BCAT1: variants seen among roughly 807,000 people sequenced by gnomAD.
The protein encoded by BCAT1 is branched-chain-amino-acid aminotransferase, cytosolic.
A neutral mutation model predicts 52.4 loss-of-function variants in BCAT1; 48 were observed. That is an observed-to-expected ratio of 0.92 (90% CI 0.73 to 1.16). The LOEUF is 1.16. Ranked by LOEUF, BCAT1 falls within the 50% of genes most tolerant of loss-of-function variation. BCAT1 has a pLI of 0.00. For missense variants in BCAT1, 451 were observed against 457.1 expected (o/e 0.99, Z 0.12); for synonymous variants, 167 against 161.3 (o/e 1.04, Z -0.27).
At chr12:24,847,739 G>A (rs188457083) in intron 6 of BCAT1, among the ~76,000 whole-genome samples, 52 of 152,298 alleles carry the variant, frequency 3.4e-4, no homozygotes, top group Admixed American at 3.0e-3. Flanking sequence ...AAGCTTGGCT[G>A]CATGCTAAAG....
At chr12:24,934,620 C>T (rs901451147) in intron 1 of BCAT1, among the ~76,000 whole-genome samples, 1 of 152,190 alleles carries the variant, frequency 6.6e-6, no homozygotes, top group Admixed American at 6.5e-5. Flanking sequence ...GTGGTGCGAT[C>T]TTGGCTCACT....
intron 3 of BCAT1, among the ~76,000 whole-genome samples, chr12:24,886,381 G>A (rs1942662704): frequency 6.6e-6 from 1 of 152,220 alleles, no homozygotes; most frequent in South Asian, 2.1e-4. Flanking sequence ...CCCAGTCTGG[G>A]TGACACAGCA....
At position 24,815,400 on chromosome 12, in the gene BCAT1, T is replaced by C. The variant is rs1188556894; in HGVS notation, c.*2608A>G. ...CAGCAACAATATTAATTTGTTGATC[T>C]TTTTGAGCAGATTAGCTTCACATGT... On this transcript the variant is annotated 3_prime_UTR_variant, in exon 11 of 11. Coordinates refer to ENST00000261192, the MANE Select transcript of BCAT1 (RefSeq NM_005504.7). The C allele has an allele frequency of 6.6e-6, 1 of 152,662 alleles. No homozygotes were observed. The highest frequency in any genetic ancestry group is 1.5e-5 in the Non-Finnish European group (1 of 68,030). 9.5% of individuals were successfully genotyped at this position (152,662 alleles called of 1,614,324 possible). A position where few individuals can be genotyped will look rare whatever the true frequency, so the allele number is the denominator to read the frequency against.
At chr12:24,877,064 C>T (rs6487435) in intron 5 of BCAT1, among the ~76,000 whole-genome samples, 9,083 of 152,188 alleles carry the variant, frequency 0.06, 353 homozygotes, top group Non-Finnish European at 0.079. Flanking sequence ...CTGCAATTCA[C>T]GAAATTCATT....
intron 1 of BCAT1, among the ~76,000 whole-genome samples, chr12:24,910,716 C>T (rs1018129493): frequency 2.6e-5 from 4 of 152,152 alleles, no homozygotes. Context: ...TTAAAGTCTT[C>T]TTGATGATCA....
At chr12:24,871,144 A>G (rs956764687) in intron 5 of BCAT1, among the ~76,000 whole-genome samples, 21 of 152,134 alleles carry the variant, frequency 1.4e-4, no homozygotes, top group African/African-American at 2.4e-4. Flanking sequence ...TCAAATGCCA[A>G]TTTCGCCAAG....
intron 5 of BCAT1, among the ~76,000 whole-genome samples, chr12:24,855,973 G>T (rs1050431737): frequency 6.6e-6 from 1 of 151,994 alleles, no homozygotes; most frequent in Non-Finnish European, 1.5e-5. Context: ...TAAACAATGT[G>T]CAAATCAGAA....
intron 1 of BCAT1, among the ~76,000 whole-genome samples, chr12:24,931,592 C>T (rs891099915): frequency 6.6e-6 from 1 of 152,142 alleles, no homozygotes; most frequent in African/African-American, 2.4e-5. Flanking sequence ...CTTTGGACTT[C>T]CTATCAGTAA....
chr12:24,935,225 C>A (rs1943734471), intron 1 of BCAT1, among the ~76,000 whole-genome samples: 1 of 152,124 alleles, frequency 6.6e-6, no homozygotes, highest in Non-Finnish European at 1.5e-5. Context: ...CTCATTGGAT[C>A]TTTAGTCCAG....
At chr12:24,937,329 A>C (rs368268403) in intron 1 of BCAT1, among the ~76,000 whole-genome samples, 21 of 152,266 alleles carry the variant, frequency 1.4e-4, no homozygotes, top group African/African-American at 4.6e-4. Flanking sequence ...CCTGAAGAAA[A>C]AGAGTTTGGG....
At chr12:24,855,451 G>A (rs182740168) in intron 5 of BCAT1, among the ~76,000 whole-genome samples, 28 of 152,220 alleles carry the variant, frequency 1.8e-4, no homozygotes, top group African/African-American at 6.3e-4. Context: ...CGCAATCTTG[G>A]CTCACTGCAA....
At chr12:24,874,200 G>T (rs554143029) in intron 5 of BCAT1, among the ~76,000 whole-genome samples, 2 of 152,132 alleles carry the variant, frequency 1.3e-5, no homozygotes, top group African/African-American at 4.8e-5. Context: ...TGTAGTCCCC[G>T]CTAATCAGGA....
intron 10 of BCAT1, among the ~76,000 whole-genome samples, chr12:24,827,283 T>A (rs1347535629): frequency 6.7e-6 from 1 of 149,456 alleles, no homozygotes; most frequent in Non-Finnish European, 1.5e-5. Flanking sequence ...TCAGGCAACC[T>A]TAAAAAAATT....
chr12:24,881,531 T>C (rs1591835241), intron 3 of BCAT1, 120 bp from the exon 4 acceptor site: 1 of 625,046 alleles, frequency 1.6e-6, no homozygotes, highest in East Asian at 2.8e-5. Flanking sequence ...GACATTGACC[T>C]CAACTTGAGA....
At chr12:24,818,623 A>G (rs1337601188) in intron 10 of BCAT1, among the ~76,000 whole-genome samples, 1 of 152,190 alleles carries the variant, frequency 6.6e-6, no homozygotes, top group African/African-American at 2.4e-5. Flanking sequence ...AAACAAAAAT[A>G]TGAAGTTGAC....
chr12:24,868,428 T>C (rs901103690), intron 5 of BCAT1, among the ~76,000 whole-genome samples: 3 of 152,168 alleles, frequency 2.0e-5, no homozygotes, highest in African/African-American at 4.8e-5. Context: ...AAATTGTTCA[T>C]AGTATCACCA....
chr12:24,906,913 C>T (rs1943235023), intron 1 of BCAT1, among the ~76,000 whole-genome samples: 1 of 152,222 alleles, frequency 6.6e-6, no homozygotes, highest in South Asian at 2.1e-4. Flanking sequence ...CCTTGCTTCT[C>T]TTTAAGCCAT....
intron 1 of BCAT1, among the ~76,000 whole-genome samples, chr12:24,923,766 T>C (rs1318711893): frequency 1.3e-5 from 2 of 152,166 alleles, no homozygotes; most frequent in Non-Finnish European, 2.9e-5. Flanking sequence ...ATCAAGAAGA[T>C]TGATTGCCTT....
At chr12:24,850,297 G>GGA (rs1008065854) in intron 5 of BCAT1, among the ~76,000 whole-genome samples, 1 of 152,108 alleles carries the variant, frequency 6.6e-6, no homozygotes, top group African/African-American at 2.4e-5. Context: ...TTGAGAAAGG[G>GGA]GAGAACCTAG....
Sources: gnomAD v4.1 joint callset for allele counts (sites outside exome capture counted in the v4.1 genomes callset) on GRCh38, gnomAD v4.1.1 for gene constraint, MANE v1.5 for transcripts, NCBI Gene and HGNC (gene_info 2026-07-23, HGNC 2026-07-21) for gene names.